SNRNP40: variants seen among roughly 807,000 people sequenced by gnomAD.
SNRNP40 encodes the protein small nuclear ribonucleoprotein U5 subunit 40.
In SNRNP40, 21 loss-of-function variants were observed where a neutral mutation model predicts 45.8. The observed-to-expected ratio is 0.46, with a 90% CI of 0.32 to 0.66. The LOEUF (loss-of-function observed/expected upper bound fraction) is 0.66. SNRNP40 is among the 30% of genes least tolerant of loss of function. The pLI, the probability that SNRNP40 is intolerant of heterozygous loss-of-function variation, is 0.03. For synonymous variants in SNRNP40, 142 were observed against 163.8 expected (o/e 0.87, Z 1.01); for missense variants, 344 against 439.1 (o/e 0.78, Z 1.94).
intron 5 of SNRNP40, among the ~76,000 whole-genome samples, chr1:31,274,604 G>A: frequency 7.2e-6 from 1 of 139,178 alleles, no homozygotes; most frequent in African/African-American, 2.7e-5. Flanking sequence ...ACAAACATGA[G>A]CCACTACACC....
intron 9 of SNRNP40, chr1:31,260,934 T>TAA: frequency 1.3e-5 from 13 of 979,914 alleles, no homozygotes; most frequent in Admixed American, 4.6e-5. Flanking sequence ...GGAAGTAAAT[T>TAA]TAAAAAAAAA....
intron 3 of SNRNP40, among the ~76,000 whole-genome samples, chr1:31,291,494 T>C (rs866179584): frequency 6.6e-6 from 1 of 152,056 alleles, no homozygotes; most frequent in Non-Finnish European, 1.5e-5. Context: ...AGGAGCAATA[T>C]AGCAAGACCA....
chr1:31,260,262 A>C, intron 9 of SNRNP40, 141 bp from the exon 10 acceptor site: 1 of 560,016 alleles, frequency 1.8e-6, no homozygotes, highest in Non-Finnish European at 3.1e-6. Context: ...CACCATCCAC[A>C]GGAAATTGTA....
At chr1:31,296,167 G>T (rs1033690156) in intron 1 of SNRNP40, among the ~76,000 whole-genome samples, 14 of 152,170 alleles carry the variant, frequency 9.2e-5, no homozygotes, top group Admixed American at 4.6e-4. Flanking sequence ...CTATTTAGTT[G>T]TTAATAATAC....
At chr1:31,272,591 A>G (rs1278928884) in intron 5 of SNRNP40, among the ~76,000 whole-genome samples, 8 of 152,184 alleles carry the variant, frequency 5.3e-5, no homozygotes, top group Admixed American at 5.2e-4. Flanking sequence ...AAGATTAGGG[A>G]TAACAATAGC....
chr1:31,262,335 C>A (rs534575643), intron 8 of SNRNP40, among the ~76,000 whole-genome samples: 24 of 151,846 alleles, frequency 1.6e-4, no homozygotes, highest in Admixed American at 5.9e-4. Context: ...GCCTGGCCAA[C>A]AAGGTGAAAC....
In SNRNP40 at chr1:31,271,292, C is replaced by T. The variant is rs1645936219; in HGVS notation, c.775+87G>A. 8 of 1,361,582 alleles carry T rather than the reference C, an allele frequency of 5.9e-6. No individual in the cohort carries two copies. In the South Asian group the frequency reaches 8.0e-5, roughly 14 times the overall value. 84.3% of individuals were successfully genotyped at this position (1,361,582 alleles called of 1,614,324 possible). A position where few individuals can be genotyped will look rare whatever the true frequency, so the allele number is the denominator to read the frequency against. The stretch of plus-strand genomic sequence containing the variant: ...ATCTCACCTAAAGCTTTCCCCATTA[C>T]AACACATTCTAATCGTCTGATGGAA... On this transcript the variant is annotated intron_variant, in intron 6 of 9. Coordinates refer to ENST00000263694, the MANE Select transcript of SNRNP40 (RefSeq NM_004814.3).
At chr1:31,271,605 AC>A in intron 5 of SNRNP40, 106 bp from the exon 6 acceptor site, 2 of 1,043,978 alleles carry the variant, frequency 1.9e-6, no homozygotes, top group Non-Finnish European at 2.8e-6. Context: ...ATATTACTCT[AC>A]TATAAAACAC....
At chr1:31,283,786 G>A (rs1484095570) in intron 4 of SNRNP40, among the ~76,000 whole-genome samples, 2 of 152,118 alleles carry the variant, frequency 1.3e-5, no homozygotes, top group African/African-American at 2.4e-5. Context: ...CCATATAGAA[G>A]GAAAAAGTAG....
At chr1:31,281,281 A>C in intron 5 of SNRNP40, 93 bp downstream of exon 5, 1 of 1,043,232 alleles carries the variant, frequency 9.6e-7, no homozygotes, top group Non-Finnish European at 1.4e-6. Context: ...GTTGGTATTA[A>C]GTGCAAAGCT....
intron 3 of SNRNP40, 78 bp downstream of exon 3, chr1:31,291,835 T>C: frequency 9.9e-7 from 1 of 1,013,832 alleles, no homozygotes; most frequent in East Asian, 2.4e-5. Flanking sequence ...TAGCAGGGTC[T>C]CCTGAGAAAG....
intron 4 of SNRNP40, among the ~76,000 whole-genome samples, chr1:31,287,775 G>A (rs1175163945): frequency 3.9e-5 from 6 of 152,166 alleles, no homozygotes; most frequent in South Asian, 2.1e-4. Flanking sequence ...CGAGGGGGGC[G>A]GATCACAAGG....
At chr1:31,288,304 CAA>C (rs916965792) in intron 4 of SNRNP40, among the ~76,000 whole-genome samples, 7 of 152,304 alleles carry the variant, frequency 4.6e-5, no homozygotes, top group African/African-American at 1.7e-4. Flanking sequence ...AAATTCGTGT[CAA>C]AGAGAGAATC....
intron 1 of SNRNP40, among the ~76,000 whole-genome samples, chr1:31,295,592 T>C (rs1211888072): frequency 1.3e-5 from 2 of 151,878 alleles, no homozygotes; most frequent in African/African-American, 4.8e-5. Context: ...CAATAAGAAA[T>C]TGGTCAGAGA....
chr1:31,292,560 G>A (rs1319436618), intron 2 of SNRNP40, among the ~76,000 whole-genome samples: 1 of 152,146 alleles, frequency 6.6e-6, no homozygotes, highest in Non-Finnish European at 1.5e-5. Flanking sequence ...ACCCGGCACC[G>A]AGGAAAAGAG....
intron 8 of SNRNP40, among the ~76,000 whole-genome samples, chr1:31,265,427 T>C (rs1040525752): frequency 5.9e-5 from 9 of 151,792 alleles, no homozygotes; most frequent in African/African-American, 2.2e-4. Flanking sequence ...ATTGACCACA[T>C]GTAAAGTTTA....
intron 3 of SNRNP40, 149 bp downstream of exon 3, chr1:31,291,764 A>G (rs763997511): frequency 4.9e-6 from 3 of 611,572 alleles, no homozygotes; most frequent in Non-Finnish European, 8.9e-6. Context: ...TAAACACCTC[A>G]CTTGGGGTGA....
rs763105200 is a variant in SNRNP40 at position 31,289,423 on chromosome 1, G to A, written c.366-4C>T. ...TGTGGATGCTGAGAAAAGCATACTA[G>A]AAAGTAAGAGAAAGAATAAAAAAGA... On this transcript the variant is annotated splice_polypyrimidine_tract_variant and splice_region_variant and intron_variant, in intron 3 of 9. Coordinates refer to ENST00000263694, the MANE Select transcript of SNRNP40 (RefSeq NM_004814.3). The A allele has an allele frequency of 6.2e-7, 1 of 1,604,946 alleles. No homozygotes were observed. The highest frequency in any genetic ancestry group is 8.5e-7 in the Non-Finnish European group (1 of 1,173,124).
At chr1:31,296,511 T>C in intron 1 of SNRNP40, 100 bp downstream of exon 1, 2 of 1,409,412 alleles carry the variant, frequency 1.4e-6, no homozygotes, top group Non-Finnish European at 1.9e-6. Context: ...ACTCTCGTTC[T>C]GCCCCCGCAA....
Sources: gnomAD v4.1 joint callset for allele counts (sites outside exome capture counted in the v4.1 genomes callset) on GRCh38, gnomAD v4.1.1 for gene constraint, MANE v1.5 for transcripts, NCBI Gene and HGNC (gene_info 2026-07-23, HGNC 2026-07-21) for gene names.